Variants in PDE11A observed in about 807,000 individuals in gnomAD.
PDE11A encodes phosphodiesterase 11A.
A neutral mutation model predicts 100.5 loss-of-function variants in PDE11A; 100 were observed. That is an observed-to-expected ratio of 1.00 (90% CI 0.85 to 1.18). The LOEUF is 1.18. Ranked by LOEUF, PDE11A falls within the 50% of genes most tolerant of loss-of-function variation. The pLI is 0.00. For missense variants in PDE11A, 1,141 were observed against 1,152.6 expected (o/e 0.99, Z 0.15); for synonymous variants, 381 against 420.8 (o/e 0.91, Z 1.16).
intron 2 of PDE11A, among the ~76,000 whole-genome samples, chr2:177,917,908 G>A (rs2084977724): frequency 6.6e-6 from 1 of 152,018 alleles, no homozygotes; most frequent in Admixed American, 6.5e-5. Flanking sequence ...AACAGAGAAG[G>A]CTATGAAAAT....
intron 1 of PDE11A, among the ~76,000 whole-genome samples, chr2:178,021,800 C>T (rs2086415932): frequency 6.6e-6 from 1 of 152,076 alleles, no homozygotes; most frequent in Admixed American, 6.5e-5. Flanking sequence ...AGGAGAGAAG[C>T]ATTAGGGAGA....
intron 6 of PDE11A, among the ~76,000 whole-genome samples, chr2:177,824,163 G>A (rs760086345): frequency 6.6e-6 from 1 of 152,018 alleles, no homozygotes; most frequent in African/African-American, 2.4e-5. Context: ...ATAACATTGA[G>A]GTTTCTGGCT....
At chr2:177,753,616 G>A (rs1461967837) in intron 10 of PDE11A, among the ~76,000 whole-genome samples, 1 of 151,796 alleles carries the variant, frequency 6.6e-6, no homozygotes, top group Non-Finnish European at 1.5e-5. Context: ...TAGTGATAGA[G>A]TAACTTTGGG....
In PDE11A at chr2:177,697,154, T is replaced by C. The variant is rs118142465; in HGVS notation, c.2345+178A>G. 2.4e-4 allele frequency among the ~76,000 whole-genome samples: 36 copies of C among 152,314 alleles called. 1 individual carries two copies. The East Asian group carries it at 6.6e-3, about 28-fold the overall frequency. On this transcript the variant is annotated intron_variant, in intron 15 of 19. Coordinates refer to ENST00000286063, the MANE Select transcript of PDE11A (RefSeq NM_016953.4). ...GACTGTAGTCCTGACTCTCTTGGCT[T>C]ATACACACCACTTTAATGGACTTCA...
At chr2:177,928,798 GGT>G (rs1240510883) in intron 2 of PDE11A, among the ~76,000 whole-genome samples, 4 of 152,114 alleles carry the variant, frequency 2.6e-5, no homozygotes, top group Non-Finnish European at 1.5e-5. Flanking sequence ...GGGAGGTCAA[GGT>G]TGCAGTCAGC....
chr2:178,045,137 T>C (rs1420543456), intron 1 of PDE11A, among the ~76,000 whole-genome samples: 1 of 152,176 alleles, frequency 6.6e-6, no homozygotes, highest in African/African-American at 2.4e-5. Context: ...ACACTAGAGC[T>C]TCAGGTTTTT....
At chr2:177,872,595 A>C (rs915722398) in intron 5 of PDE11A, among the ~76,000 whole-genome samples, 8 of 152,232 alleles carry the variant, frequency 5.3e-5, no homozygotes, top group Middle Eastern at 3.2e-3. Context: ...AATTGAAATA[A>C]TACCCTGAAA....
Position 177,675,526 on chromosome 2 carries a change from A to G in PDE11A, c.2424-8T>C. 2 of 1,610,988 alleles carry G rather than the reference A, an allele frequency of 1.2e-6. No homozygotes were observed. The highest frequency in any genetic ancestry group is 1.7e-6 in the Non-Finnish European group (2 of 1,177,382). On this transcript the variant is annotated splice_region_variant and splice_polypyrimidine_tract_variant and intron_variant, in intron 16 of 19. Coordinates refer to ENST00000286063, the MANE Select transcript of PDE11A (RefSeq NM_016953.4). ...GCTGTCATTAACATTGATCTGAAAA[A>G]CAGAACCAAACAAAACAGCCTGAAT... is the stretch of plus-strand genomic sequence containing the variant.
At chr2:177,746,077 C>A (rs1364386112) in intron 10 of PDE11A, among the ~76,000 whole-genome samples, 2 of 152,096 alleles carry the variant, frequency 1.3e-5, no homozygotes, top group East Asian at 3.9e-4. Flanking sequence ...ATAGGAAGAA[C>A]CCAGCCACCA....
intron 1 of PDE11A, among the ~76,000 whole-genome samples, chr2:178,020,651 G>T (rs1417611576): frequency 6.6e-6 from 1 of 152,022 alleles, no homozygotes; most frequent in African/African-American, 2.4e-5. Context: ...AATTAGCCAG[G>T]TGTGGTGGTA....
chr2:177,867,594 G>A (rs2084052538), intron 5 of PDE11A, among the ~76,000 whole-genome samples: 1 of 152,108 alleles, frequency 6.6e-6, no homozygotes, highest in South Asian at 2.1e-4. Context: ...TGGGTGTGGT[G>A]GCGGGCCTGT....
intron 12 of PDE11A, among the ~76,000 whole-genome samples, chr2:177,719,727 T>A (rs1311392218): frequency 2.0e-5 from 3 of 152,170 alleles, no homozygotes; most frequent in African/African-American, 4.8e-5. Flanking sequence ...TCTGGTATTT[T>A]AAAATTTCTG....
intron 19 of PDE11A, among the ~76,000 whole-genome samples, chr2:177,658,451 TC>T (rs961084904): frequency 6.6e-6 from 1 of 151,644 alleles, no homozygotes; most frequent in Non-Finnish European, 1.5e-5. Flanking sequence ...CCTTCTCTCC[TC>T]CCCTTCCCTC....
chr2:177,930,345 A>G (rs1044333085), intron 2 of PDE11A, among the ~76,000 whole-genome samples: 1 of 152,224 alleles, frequency 6.6e-6, no homozygotes. Context: ...GCAGCTGTAC[A>G]ATGGCTACCT....
At chr2:177,863,139 A>G (rs1237545132) in intron 5 of PDE11A, among the ~76,000 whole-genome samples, 1 of 151,966 alleles carries the variant, frequency 6.6e-6, no homozygotes, top group Non-Finnish European at 1.5e-5. Context: ...AATGCAAAAG[A>G]AGGATATTGG....
chr2:177,948,679 G>T (rs182283701), intron 2 of PDE11A, among the ~76,000 whole-genome samples: 50 of 152,294 alleles, frequency 3.3e-4, no homozygotes, highest in Non-Finnish European at 6.5e-4. Flanking sequence ...TGAAGCAGGA[G>T]GATTGCTTGA....
chr2:177,811,210 T>C (rs2082944954), intron 9 of PDE11A, among the ~76,000 whole-genome samples: 1 of 152,174 alleles, frequency 6.6e-6, no homozygotes, highest in Non-Finnish European at 1.5e-5. Flanking sequence ...TACCTAAGAA[T>C]TTCTACTCTC....
intron 2 of PDE11A, chr2:177,998,635 C>A: frequency 1.5e-6 from 2 of 1,291,036 alleles, no homozygotes; most frequent in Non-Finnish European, 2.3e-6. Flanking sequence ...ATAAATTGAG[C>A]TGCTAATCGT....
chr2:177,846,417 G>A (rs1470254035), intron 5 of PDE11A, among the ~76,000 whole-genome samples: 1 of 152,188 alleles, frequency 6.6e-6, no homozygotes. Flanking sequence ...ACATTTCAGT[G>A]ATGTGGTGTT....
Sources: gnomAD v4.1 joint callset for allele counts (sites outside exome capture counted in the v4.1 genomes callset) on GRCh38, gnomAD v4.1.1 for gene constraint, MANE v1.5 for transcripts, NCBI Gene and HGNC (gene_info 2026-07-23, HGNC 2026-07-21) for gene names.